Variants in TREM1 observed in about 807,000 individuals in gnomAD.
The protein encoded by TREM1 is triggering receptor expressed on monocytes 1.
TREM1 carries 16 observed loss-of-function variants against 22.4 expected under a neutral mutation model. The observed-to-expected ratio is 0.71, with a 90% CI of 0.48 to 1.08. TREM1 has a LOEUF of 1.08. Among genes scored for constraint, TREM1 ranks in the 50% least tolerant of loss-of-function variants. TREM1 has a pLI of 0.00. For synonymous variants in TREM1, 110 were observed against 111.6 expected (o/e 0.99, Z 0.09); for missense variants, 283 against 282.9 (o/e 1.00, Z 0.00).
chr6:41,274,660 T>A lies in TREM1; in HGVS notation c.*1465A>T, dbSNP rs1013610053. ...TAAATGCCCACCACACACCTTCTAA[T>A]GGGCTCAAAATTGCGGTTCAGAAAT... On this transcript the variant is annotated 3_prime_UTR_variant, in exon 4 of 4. Transcript: ENST00000244709. Among the ~76,000 whole-genome samples the A allele has an allele frequency of 3.3e-5, 5 of 152,144 alleles. No individual in the cohort carries two copies. Among genetic ancestry groups the A allele is most frequent in the African/African-American group, 9.7e-5 (4 of 41,436 alleles).
chr6:41,284,902 A>C (rs1768093018), intron 1 of TREM1, among the ~76,000 whole-genome samples: 1 of 151,976 alleles, frequency 6.6e-6, no homozygotes, highest in African/African-American at 2.4e-5. Context: ...ACTCCCACAC[A>C]CTCCAGTCAG....
intron 2 of TREM1, 173 bp from the exon 3 acceptor site, chr6:41,281,326 T>C: frequency 2.7e-6 from 2 of 744,370 alleles, no homozygotes; most frequent in Non-Finnish European, 4.2e-6. Context: ...AATGCAAAGT[T>C]TTCCTTTGCT....
intron 1 of TREM1, among the ~76,000 whole-genome samples, chr6:41,283,985 T>C (rs956422702): frequency 6.6e-6 from 1 of 151,592 alleles, no homozygotes; most frequent in African/African-American, 2.4e-5. Flanking sequence ...AGGGGGATAG[T>C]GGAGGGGAGA....
At chr6:41,270,445 TAATATATATATATA>T (rs1767446579), downstream of TREM1, among the ~76,000 whole-genome samples, 1 of 41,408 alleles carries the variant, frequency 2.4e-5, no homozygotes, top group African/African-American at 1.2e-4. Flanking sequence ...TGATATTATA[TAATATATATATATA>T]TATATATATA....
At chr6:41,278,673 G>T (rs1025217608) in intron 3 of TREM1, among the ~76,000 whole-genome samples, 2 of 151,314 alleles carry the variant, frequency 1.3e-5, no homozygotes, top group Non-Finnish European at 3.0e-5. Flanking sequence ...AAAAAGAAAA[G>T]AAAAAGAAAA....
rs1767578373 is a variant in TREM1, at chr6:41,274,253, T to C, written c.*1872A>G. Among the ~76,000 whole-genome samples, 1 of 152,122 alleles carries C rather than the reference T, an allele frequency of 6.6e-6. No homozygotes were observed. Among genetic ancestry groups the C allele is most frequent in the African/African-American group, 2.4e-5 (1 of 41,410 alleles). Reference sequence around the variant, plus strand: ...AGCTTGAGATCCACTAAGAGGGAGCTGTATACTAGTATACAGTAGGTCTGC... The same window carrying C: ...AGCTTGAGATCCACTAAGAGGGAGCCGTATACTAGTATACAGTAGGTCTGC... On this transcript the variant is annotated 3_prime_UTR_variant, in exon 4 of 4. Coordinates refer to ENST00000244709, the MANE Select transcript of TREM1 (RefSeq NM_018643.5).
chr6:41,271,409 G>T (rs969292920), downstream of TREM1, among the ~76,000 whole-genome samples: 4 of 152,118 alleles, frequency 2.6e-5, no homozygotes, highest in Non-Finnish European at 5.9e-5. Context: ...GACAGGATTT[G>T]CCCCAGCCCT....
downstream of TREM1, among the ~76,000 whole-genome samples, chr6:41,273,421 C>A (rs1221372936): frequency 6.6e-6 from 1 of 152,066 alleles, no homozygotes; most frequent in African/African-American, 2.4e-5. Context: ...ACTATCATGC[C>A]CATTAAGGCA....
intron 1 of TREM1, 102 bp from the exon 2 acceptor site, chr6:41,282,853 A>G: frequency 9.3e-7 from 1 of 1,079,600 alleles, no homozygotes; most frequent in South Asian, 1.5e-5. Flanking sequence ...CCAACCACCC[A>G]TATTTCAGAT....
At chr6:41,282,870 C>T in intron 1 of TREM1, 119 bp from the exon 2 acceptor site, 1 of 893,224 alleles carries the variant, frequency 1.1e-6, no homozygotes, top group East Asian at 2.4e-5. Flanking sequence ...AGATGAGGTT[C>T]TTGAGGCCTC....
At chr6:41,268,207 GAAC>G (rs1468401971) in intron 3 of TREM1, 3 of 397,136 alleles carry the variant, frequency 7.6e-6, no homozygotes, top group African/African-American at 2.1e-5. Context: ...CCTTAGACAA[GAAC>G]AATCTGTACG....
chr6:41,276,487 C>T (rs1336564564), intron 3 of TREM1, among the ~76,000 whole-genome samples: 1 of 152,142 alleles, frequency 6.6e-6, no homozygotes, highest in Non-Finnish European at 1.5e-5. Flanking sequence ...AGCCCATCCT[C>T]CTCCCTGTGA....
intron 2 of TREM1, chr6:41,281,459 G>A (rs940702394): frequency 2.5e-5 from 9 of 364,774 alleles, no homozygotes; most frequent in Admixed American, 4.4e-5. Flanking sequence ...TTTGTCATTC[G>A]TACTGTTGGA....
downstream of TREM1, among the ~76,000 whole-genome samples, chr6:41,270,618 T>C (rs1411932707): frequency 1.3e-5 from 2 of 152,236 alleles, no homozygotes; most frequent in South Asian, 4.1e-4. Flanking sequence ...CATAAAAAGG[T>C]ACAAAAGAAC....
At chr6:41,267,847 T>C (rs1767371336), downstream of TREM1, 1 of 397,690 alleles carries the variant, frequency 2.5e-6, no homozygotes, top group Admixed American at 4.4e-5. Context: ...GAAGATCTTT[T>C]GTGAAAAAAA....
chr6:41,285,638 C>T (rs137934255), intron 1 of TREM1, among the ~76,000 whole-genome samples: 10 of 152,334 alleles, frequency 6.6e-5, no homozygotes, highest in African/African-American at 2.4e-4. Flanking sequence ...ATATATACCA[C>T]TGGTTTTCTC....
At chr6:41,282,010 C>T (rs1167116523) in intron 2 of TREM1, 5 of 216,144 alleles carry the variant, frequency 2.3e-5, no homozygotes, top group Non-Finnish European at 9.3e-6. Flanking sequence ...AAATAAGATC[C>T]CCAGGTGGTC....
In TREM1 at chr6:41,282,669, C is replaced by T. The variant is rs771318799; in HGVS notation, c.132G>A (p.Thr44=). ...GQTLDVKCDY[T]LEKFASSQKA... ...TCTGGCTGCTGGCAAACTTCTCTAG[C>T]GTGTAGTCACATTTCACATCCAGGG... Residue 44 remains threonine (T), a synonymous_variant, in exon 2 of 4, where the codon ACG becomes ACA. Transcript: ENST00000244709. 9.9e-6 allele frequency: 16 copies of T among 1,614,178 alleles called. No individual in the cohort carries two copies. The highest frequency in any genetic ancestry group is 8.0e-5 in the African/African-American group (6 of 75,040).
chr6:41,270,446 A>AATATATATATATATATATATAT (rs68021402), downstream of TREM1, among the ~76,000 whole-genome samples: 65 of 144,012 alleles, frequency 4.5e-4, 1 homozygote, highest in African/African-American at 1.5e-3. Flanking sequence ...GATATTATAT[A>AATATATATATATATATATATAT]ATATATATAT....
Sources: allele counts gnomAD v4.1 joint callset (sites outside exome capture counted in the v4.1 genomes callset), GRCh38; gene constraint gnomAD v4.1.1; transcripts MANE v1.5; gene names NCBI Gene and HGNC (gene_info 2026-07-23, HGNC 2026-07-21).